The following NPLOC4 variants were observed in gnomAD, a reference collection of about 807,000 sequenced individuals.
NPLOC4 encodes NPL4 homolog, ubiquitin recognition factor.
In NPLOC4, 18 loss-of-function variants were observed where a neutral mutation model predicts 80.6. The ratio of observed to expected loss-of-function variants is 0.22; its 90% CI spans 0.15 to 0.33. The LOEUF is 0.33. Among genes scored for constraint, NPLOC4 ranks in the 10% least tolerant of loss-of-function variants. The pLI, the probability that NPLOC4 is intolerant of heterozygous loss-of-function variation, is 1.00. For missense variants in NPLOC4, 540 were observed against 786.1 expected, an observed-to-expected ratio of 0.69 and a Z score of 3.74; for synonymous variants, 313 against 301.5, an observed-to-expected ratio of 1.04 and a Z score of -0.39.
chr17:81,568,367 C>A (rs2034069842), intron 14 of NPLOC4, among the ~76,000 whole-genome samples: 1 of 152,228 alleles, frequency 6.6e-6, no homozygotes, highest in South Asian at 2.1e-4. Flanking sequence ...GTGAGCACCC[C>A]AAGTCCCCTG....
chr17:81,592,282 AG>A (rs1210149700), intron 11 of NPLOC4, among the ~76,000 whole-genome samples: 3 of 152,232 alleles, frequency 2.0e-5, no homozygotes, highest in Non-Finnish European at 1.5e-5. Context: ...GCCGTGACCA[AG>A]AAACCCTAAC....
At position 81,565,262 on chromosome 17, in the gene NPLOC4, A is replaced by G. The variant is rs1284277909; in HGVS notation, c.1669+243T>C. The G allele has an allele frequency of 3.2e-5, 22 of 684,916 alleles. No individual in the cohort carries two copies. In the East Asian group the frequency reaches 5.1e-4, roughly 16 times the overall value. 42.4% of individuals were successfully genotyped at this position (684,916 alleles called of 1,614,324 possible). A position where few individuals can be genotyped will look rare whatever the true frequency, so the allele number is the denominator to read the frequency against. On this transcript the variant is annotated intron_variant, in intron 16 of 16. Transcript: ENST00000331134. Reference sequence around the variant, plus strand: ...ATTAGTATCTCTGATGTACAGGTTTATAAAATTTACAGGGCTGTGTACCTA... The same window carrying G: ...ATTAGTATCTCTGATGTACAGGTTTGTAAAATTTACAGGGCTGTGTACCTA...
intron 14 of NPLOC4, chr17:81,568,057 T>A (rs2034058168): frequency 8.4e-6 from 1 of 118,542 alleles, no homozygotes; most frequent in African/African-American, 3.4e-5. Flanking sequence ...CCAGCCTGGG[T>A]GATAGAGTGA....
At chr17:81,565,050 G>T in intron 16 of NPLOC4, 1 of 499,232 alleles carries the variant, frequency 2.0e-6, no homozygotes. Context: ...GACACGCAAT[G>T]CCTGCGGTCC....
chr17:81,592,544 G>C (rs2034779026), intron 11 of NPLOC4, among the ~76,000 whole-genome samples: 1 of 152,020 alleles, frequency 6.6e-6, no homozygotes, highest in African/African-American at 2.4e-5. Context: ...AATTCCAGAG[G>C]TGAAAAAAGC....
rs993489271 is a variant in NPLOC4, at chr17:81,604,472, C to A, written c.834+76G>T. ...GGAACAAACAACAAAGCGAACAGGGCAAGGCCTCTCCGAAAGGGCGTCCCC... is the reference window on the plus strand; with the variant it reads ...GGAACAAACAACAAAGCGAACAGGGAAAGGCCTCTCCGAAAGGGCGTCCCC... On this transcript the variant is annotated intron_variant, in intron 8 of 16. Coordinates refer to ENST00000331134, the MANE Select transcript of NPLOC4 (RefSeq NM_017921.4). 1.0e-4 allele frequency: 141 copies of A among 1,374,082 alleles called. No homozygotes were observed. In the Admixed American group the frequency reaches 3.2e-3, roughly 31 times the overall value. 85.1% of individuals were successfully genotyped at this position (1,374,082 alleles called of 1,614,324 possible). A position where few individuals can be genotyped will look rare whatever the true frequency, so the allele number is the denominator to read the frequency against.
chr17:81,574,884 C>CA (rs2034254944), intron 12 of NPLOC4, among the ~76,000 whole-genome samples: 1 of 152,058 alleles, frequency 6.6e-6, no homozygotes, highest in Non-Finnish European at 1.5e-5. Flanking sequence ...CAAACACACA[C>CA]ACACACACAC....
chr17:81,588,374 C>A (rs895293742), intron 12 of NPLOC4, among the ~76,000 whole-genome samples: 5 of 152,166 alleles, frequency 3.3e-5, no homozygotes, highest in African/African-American at 1.2e-4. Context: ...CCACCCCTAT[C>A]CTTGAGACAG....
Position 81,637,038 on chromosome 17 carries a change from G to A in NPLOC4, c.-108C>T. ...TCAGCCCCGGCCCCGGCCTCCCTAC[G>A]CCGCCGCCACCGCCGCTCCAGCTTC... is the stretch of plus-strand genomic sequence containing the variant. On this transcript the variant is annotated 5_prime_UTR_variant, in exon 1 of 17. Coordinates refer to ENST00000331134, the MANE Select transcript of NPLOC4 (RefSeq NM_017921.4). The A allele has an allele frequency of 3.2e-6, 2 of 633,144 alleles. No individual in the cohort carries two copies. Among genetic ancestry groups the A allele is most frequent in the Non-Finnish European group, 4.4e-6 (2 of 458,770 alleles). The allele number at this position is 633,144 out of a possible 1,614,324, so 39.2% of individuals were successfully genotyped here. A position where few individuals can be genotyped will look rare whatever the true frequency, so the allele number is the denominator to read the frequency against.
chr17:81,594,274 CAAAAAAAAAAAAAAAAAAAA>C (rs869281063), intron 11 of NPLOC4, among the ~76,000 whole-genome samples: 2 of 53,666 alleles, frequency 3.7e-5, no homozygotes, highest in African/African-American at 2.0e-4. Flanking sequence ...GACTCCGTCT[CAAAAAAAAAAAAAAAAAAAA>C]AAAAAAAAAA....
intron 2 of NPLOC4, among the ~76,000 whole-genome samples, chr17:81,627,893 G>A (rs2035836192): frequency 6.6e-6 from 1 of 152,144 alleles, no homozygotes; most frequent in Admixed American, 6.6e-5. Flanking sequence ...CCGAGATCAC[G>A]CCACCACATT....
At chr17:81,590,758 T>C (rs77886370) in intron 11 of NPLOC4, among the ~76,000 whole-genome samples, 17,294 of 152,218 alleles carry the variant, frequency 0.11, 1,211 homozygotes, top group Non-Finnish European at 0.15. Flanking sequence ...TGCACATGGC[T>C]GTCAAACATG....
At chr17:81,562,189 G>A (rs1419630451) in intron 16 of NPLOC4, 1 of 152,260 alleles carries the variant, frequency 6.6e-6, no homozygotes, top group East Asian at 1.9e-4. Context: ...TGGAGATCAT[G>A]AGATTGCACT....
intron 3 of NPLOC4, among the ~76,000 whole-genome samples, chr17:81,619,553 G>GAAAA (rs34176297): frequency 9.3e-6 from 1 of 107,026 alleles, no homozygotes; most frequent in Non-Finnish European, 2.1e-5. Flanking sequence ...TCTGTCTCAA[G>GAAAA]AAAAAAAAAA....
At chr17:81,630,050 A>ACTTTAATT (rs1180780110) in intron 1 of NPLOC4, among the ~76,000 whole-genome samples, 2 of 151,910 alleles carry the variant, frequency 1.3e-5, no homozygotes, top group Non-Finnish European at 2.9e-5. Context: ...TCAGAAAACA[A>ACTTTAATT]CTTTAATTCC....
intron 16 of NPLOC4, chr17:81,562,452 T>C (rs936414008): frequency 6.6e-6 from 1 of 152,120 alleles, no homozygotes; most frequent in Non-Finnish European, 1.5e-5. Context: ...GGCTGGACAA[T>C]GGCTTGAACC....
intron 1 of NPLOC4, among the ~76,000 whole-genome samples, chr17:81,634,835 G>A (rs1032948965): frequency 8.6e-5 from 13 of 151,790 alleles, no homozygotes; most frequent in African/African-American, 2.4e-4. Flanking sequence ...CGCCCACCTC[G>A]GCCTCCCAAA....
chr17:81,604,698 A>T lies in NPLOC4; in HGVS notation c.684T>A (p.Phe228Leu). The T allele has an allele frequency of 1.2e-6, 2 of 1,613,622 alleles. No individual in the cohort carries two copies. Among genetic ancestry groups the T allele is most frequent in the South Asian group, 1.1e-5 (1 of 90,958 alleles). Residue 228 changes from phenylalanine to leucine, a missense_variant, in exon 8 of 17, where the codon TTT becomes TTA. Phe to Leu is a conservative substitution (Grantham distance 22, BLOSUM62 0). Transcript: ENST00000331134. ...QKYRHVDNIM[F>L]ENHTVADRFL... Reference sequence around the variant, plus strand: ...AGCGGTCAGCGACGGTGTGATTCTCAAACATGATATTGTCCACATGCCTGT... The same window carrying T: ...AGCGGTCAGCGACGGTGTGATTCTCTAACATGATATTGTCCACATGCCTGT...
At chr17:81,584,653 A>G (rs1201431587) in intron 12 of NPLOC4, among the ~76,000 whole-genome samples, 2 of 152,254 alleles carry the variant, frequency 1.3e-5, no homozygotes, top group Non-Finnish European at 1.5e-5. Context: ...AGGAAATGCG[A>G]AAGACTAAAC....
Sources: allele counts gnomAD v4.1 joint callset (sites outside exome capture counted in the v4.1 genomes callset), GRCh38; gene constraint gnomAD v4.1.1; transcripts MANE v1.5; gene names NCBI Gene and HGNC (gene_info 2026-07-23, HGNC 2026-07-21).